IL6ST: variants seen among roughly 807,000 people sequenced by gnomAD.
The protein encoded by IL6ST is interleukin-6 receptor subunit beta.
IL6ST carries 24 observed loss-of-function variants against 91.3 expected under a neutral mutation model. That is an observed-to-expected ratio of 0.26 (90% CI 0.19 to 0.37). The LOEUF (loss-of-function observed/expected upper bound fraction) is 0.37. Among genes scored for constraint, IL6ST ranks in the 10% least tolerant of loss-of-function variants. The pLI, the probability that IL6ST is intolerant of heterozygous loss-of-function variation, is 1.00. For synonymous variants in IL6ST, 351 were observed against 373.6 expected, an observed-to-expected ratio of 0.94 and a Z score of 0.70; for missense variants, 914 against 1,078.5, an observed-to-expected ratio of 0.85 and a Z score of 2.14.
In IL6ST at chr5:55,963,420, T is replaced by C; in HGVS notation, c.745A>G (p.Ile249Val). Residue 249 changes from isoleucine to valine, a missense_variant, in exon 7 of 17, where the codon ATT becomes GTT. Transcript: ENST00000381298. ...ILKLTWTNPSIKSVIILKYNI... is the reference protein window; with the variant it reads ...ILKLTWTNPSVKSVIILKYNI... The stretch of plus-strand genomic sequence containing the variant: ...TATTTTAGTATTATAACACTCTTAA[T>C]ACTTGGGTTGGTCCATGTCAATTTT... The C allele has an allele frequency of 1.2e-6, 2 of 1,602,362 alleles. No homozygotes were observed.
At chr5:55,973,887 C>T (rs544012903) in intron 3 of IL6ST, among the ~76,000 whole-genome samples, 112 of 152,232 alleles carry the variant, frequency 7.4e-4, no homozygotes, top group Admixed American at 1.3e-3. Flanking sequence ...GCCAACACTT[C>T]GGATGAAAAT....
intron 1 of IL6ST, among the ~76,000 whole-genome samples, chr5:55,993,940 C>T (rs1389253778): frequency 1.3e-5 from 2 of 148,824 alleles, no homozygotes; most frequent in Non-Finnish European, 3.0e-5. Context: ...GCAAATACCA[C>T]AATCTTTCAG....
At chr5:55,958,905 A>G (rs955022834) in intron 8 of IL6ST, among the ~76,000 whole-genome samples, 2 of 152,120 alleles carry the variant, frequency 1.3e-5, no homozygotes, top group East Asian at 1.9e-4. Flanking sequence ...ACAGACAGCA[A>G]AACAGAAAGG....
chr5:55,976,114 T>C, intron 3 of IL6ST, 101 bp downstream of exon 3: 1 of 484,538 alleles, frequency 2.1e-6, no homozygotes, highest in Non-Finnish European at 3.6e-6. Context: ...AGAAAGAATA[T>C]ATGAACATAA....
chr5:55,980,911 T>C (rs939139078), intron 2 of IL6ST, among the ~76,000 whole-genome samples: 2 of 152,142 alleles, frequency 1.3e-5, no homozygotes, highest in African/African-American at 4.8e-5. Context: ...AATTTTTCTG[T>C]AAAGATGGGG....
chr5:55,939,796 A>C lies in IL6ST; in HGVS notation c.*1286T>G. 4.9e-6 allele frequency: 1 copy of C among 204,442 alleles called. No individual in the cohort carries two copies. Among genetic ancestry groups the C allele is most frequent in the East Asian group, 7.5e-5 (1 of 13,414 alleles). The allele number at this position is 204,442 out of a possible 1,614,324, so 12.7% of individuals were successfully genotyped here. A position where few individuals can be genotyped will look rare whatever the true frequency, so the allele number is the denominator to read the frequency against. Reference sequence around the variant, plus strand: ...TTCTCCCTTGAAGAAAAAAGGTTTTAAAAATTCCTAAATCACAATGTAGAA... The same window carrying C: ...TTCTCCCTTGAAGAAAAAAGGTTTTCAAAATTCCTAAATCACAATGTAGAA... On this transcript the variant is annotated 3_prime_UTR_variant, in exon 17 of 17. Coordinates refer to ENST00000381298, the MANE Select transcript of IL6ST (RefSeq NM_002184.4).
At chr5:55,976,100 T>A in intron 3 of IL6ST, 115 bp downstream of exon 3, 1 of 455,612 alleles carries the variant, frequency 2.2e-6, no homozygotes, top group Non-Finnish European at 3.9e-6. Context: ...CTCTCGATTA[T>A]CCTAGAAAGA....
chr5:55,985,421 G>A (rs1753907862), intron 1 of IL6ST, among the ~76,000 whole-genome samples: 1 of 151,678 alleles, frequency 6.6e-6, no homozygotes, highest in Non-Finnish European at 1.5e-5. Flanking sequence ...GGAAGCTGAG[G>A]CAAGAGAACT....
chr5:55,968,874 A>G (rs990624622), intron 4 of IL6ST, among the ~76,000 whole-genome samples: 2 of 152,132 alleles, frequency 1.3e-5, no homozygotes, highest in Non-Finnish European at 2.9e-5. Flanking sequence ...CCACTTTTGG[A>G]TCATAGTAAG....
At chr5:55,977,900 G>A (rs1466153396) in intron 2 of IL6ST, among the ~76,000 whole-genome samples, 2 of 151,968 alleles carry the variant, frequency 1.3e-5, no homozygotes, top group Non-Finnish European at 2.9e-5. Flanking sequence ...CATGAGGCTT[G>A]AGGCAGGAGA....
chr5:55,959,732 A>C (rs1003394603), intron 8 of IL6ST: 6 of 826,484 alleles, frequency 7.3e-6, no homozygotes, highest in Non-Finnish European at 1.1e-5. Flanking sequence ...GTGGGGATCT[A>C]AGGTGTAGTT....
chr5:55,982,952 A>G (rs1753746091), intron 1 of IL6ST, 141 bp from the exon 2 acceptor site: 1 of 388,664 alleles, frequency 2.6e-6, no homozygotes, highest in Non-Finnish European at 4.5e-6. Context: ...GCTTCAGAAT[A>G]AAATAAACCC....
At chr5:55,975,494 A>G (rs1399229653) in intron 3 of IL6ST, among the ~76,000 whole-genome samples, 1 of 152,136 alleles carries the variant, frequency 6.6e-6, no homozygotes, top group Non-Finnish European at 1.5e-5. Flanking sequence ...ACCCAGTCTC[A>G]GGTATTTCTT....
chr5:55,973,626 T>C (rs989463232), intron 3 of IL6ST, among the ~76,000 whole-genome samples: 3 of 152,212 alleles, frequency 2.0e-5, no homozygotes, highest in African/African-American at 7.2e-5. Flanking sequence ...GTCTGAATAT[T>C]GCAGCTGAGG....
intron 3 of IL6ST, among the ~76,000 whole-genome samples, chr5:55,972,503 T>G (rs995781674): frequency 5.3e-5 from 8 of 151,916 alleles, no homozygotes; most frequent in African/African-American, 1.9e-4. Context: ...CAGAGTGAGA[T>G]TCAGTCTCGA....
At chr5:55,964,051 AC>A in intron 6 of IL6ST, 94 bp downstream of exon 6, 1 of 561,770 alleles carries the variant, frequency 1.8e-6, no homozygotes, top group Non-Finnish European at 2.8e-6. Flanking sequence ...CTAAAAATCT[AC>A]ATTAAAATCT....
At chr5:55,961,358 T>C (rs1478694986) in intron 7 of IL6ST, among the ~76,000 whole-genome samples, 1 of 152,156 alleles carries the variant, frequency 6.6e-6, no homozygotes, top group East Asian at 1.9e-4. Context: ...CTCTGGGGCT[T>C]AGAGCTGTTT....
At chr5:55,965,345 GA>G (rs1228061602) in intron 5 of IL6ST, among the ~76,000 whole-genome samples, 1 of 152,160 alleles carries the variant, frequency 6.6e-6, no homozygotes, top group African/African-American at 2.4e-5. Context: ...TCATAAGAAA[GA>G]AGATGTAGAC....
chr5:55,994,069 A>AAT (rs1387036527), intron 1 of IL6ST: 5 of 150,658 alleles, frequency 3.3e-5, no homozygotes, highest in African/African-American at 1.2e-4. Context: ...AAAAAAAAAA[A>AAT]AGGTGACGTC....
Sources: gnomAD v4.1 joint callset for allele counts (sites outside exome capture counted in the v4.1 genomes callset) on GRCh38, gnomAD v4.1.1 for gene constraint, MANE v1.5 for transcripts, NCBI Gene and HGNC (gene_info 2026-07-23, HGNC 2026-07-21) for gene names.